RASGRF2: variants seen among roughly 807,000 people sequenced by gnomAD.
RASGRF2 encodes ras-specific guanine nucleotide-releasing factor 2.
A neutral mutation model predicts 151.0 loss-of-function variants in RASGRF2; 76 were observed. The observed-to-expected ratio is 0.50, with a 90% CI of 0.42 to 0.61. The LOEUF is 0.61. Ranked by LOEUF, RASGRF2 falls within the 20% of genes least tolerant of loss-of-function variation. The pLI is 0.00. For missense variants in RASGRF2, 1,148 were observed against 1,564.6 expected, an observed-to-expected ratio of 0.73 and a Z score of 4.49; for synonymous variants, 504 against 566.5, an observed-to-expected ratio of 0.89 and a Z score of 1.57.
chr5:81,187,109 C>T (rs1303510423), intron 18 of RASGRF2, among the ~76,000 whole-genome samples: 4 of 152,172 alleles, frequency 2.6e-5, no homozygotes, highest in Non-Finnish European at 5.9e-5. Flanking sequence ...TTCAAGCAGG[C>T]CAAATGCTGT....
rs149762217 is a variant in RASGRF2, at chr5:81,092,245, G to A, written c.1391-556G>A. On this transcript the variant is annotated intron_variant, in intron 9 of 26. Coordinates refer to ENST00000265080, the MANE Select transcript of RASGRF2 (RefSeq NM_006909.3). The stretch of plus-strand genomic sequence containing the variant: ...ATAATTTAAATGTAACTTGAAATAG[G>A]TGTCCTTTAAAAATAGTTCTTAGCT... Among the ~76,000 whole-genome samples, 85 of 151,944 alleles carry A rather than the reference G, an allele frequency of 5.6e-4. 2 individuals carry two copies. The East Asian group carries it at 0.015, about 27-fold the overall frequency.
At chr5:81,225,599 A>G (rs1755955356) in intron 26 of RASGRF2, 79 bp from the exon 27 acceptor site, 1 of 1,534,128 alleles carries the variant, frequency 6.5e-7, no homozygotes, top group Non-Finnish European at 8.7e-7. Flanking sequence ...AAAATGTTGA[A>G]TTGTGTTAGA....
At chr5:81,184,318 G>C (rs1754978683) in intron 18 of RASGRF2, among the ~76,000 whole-genome samples, 1 of 152,196 alleles carries the variant, frequency 6.6e-6, no homozygotes, top group African/African-American at 2.4e-5. Flanking sequence ...CAGACCTGTA[G>C]TGCTATTAAC....
intron 15 of RASGRF2, among the ~76,000 whole-genome samples, chr5:81,114,488 C>A (rs959576985): frequency 6.6e-6 from 1 of 152,144 alleles, no homozygotes. Flanking sequence ...TTGCTTGTGA[C>A]GTAGCCAAAA....
chr5:81,070,640 G>A lies in RASGRF2; in HGVS notation c.633+59G>A, dbSNP rs145302883. The A allele has an allele frequency of 5.4e-4, 785 of 1,463,886 alleles. 6 individuals carry two copies. In the African/African-American group the frequency reaches 0.01, roughly 19 times the overall value. The allele number at this position is 1,463,886 out of a possible 1,614,324, so 90.7% of individuals were successfully genotyped here. A position where few individuals can be genotyped will look rare whatever the true frequency, so the allele number is the denominator to read the frequency against. ...ATGGTGACCAGTCGTCTGTTCTATGGTGGTGTCTTTGCCACCCTGTGCGTG... is the reference window on the plus strand; with the variant it reads ...ATGGTGACCAGTCGTCTGTTCTATGATGGTGTCTTTGCCACCCTGTGCGTG... On this transcript the variant is annotated intron_variant, in intron 4 of 26. Transcript: ENST00000265080.
At position 81,180,185 on chromosome 5, in the gene RASGRF2, C is replaced by G. The variant is rs762236630; in HGVS notation, c.2697C>G (p.Asn899Lys). The G allele has an allele frequency of 1.9e-6, 3 of 1,604,042 alleles. No homozygotes were observed. The Admixed American group carries it at 5.0e-5, about 27-fold the overall frequency. ...AGHGSPPGFN[N>K]TERTCDKEFI... ...TCTTTTTCTCCTAAGGCTTTAACAACACCGAGAGAACATGTGATAAAGAGT... is the reference window on the plus strand; with the variant it reads ...TCTTTTTCTCCTAAGGCTTTAACAAGACCGAGAGAACATGTGATAAAGAGT... The change falls in exon 18 of 27, where the codon AAC (asparagine) becomes AAG (lysine). Residue 899 changes from asparagine (N) to lysine (K), a missense_variant. Around this residue, in one of 5 missense-constraint regions of RASGRF2, gnomAD observed 646 missense variants for 807.4 expected, o/e 0.80. Transcript: ENST00000265080.
intron 1 of RASGRF2, among the ~76,000 whole-genome samples, chr5:81,023,347 A>T (rs1749897049): frequency 6.6e-6 from 1 of 152,198 alleles, no homozygotes; most frequent in Non-Finnish European, 1.5e-5. Flanking sequence ...GTACTTGGTA[A>T]TGTCTGCTCC....
intron 18 of RASGRF2, among the ~76,000 whole-genome samples, chr5:81,185,615 C>A (rs1755009739): frequency 6.6e-6 from 1 of 152,138 alleles, no homozygotes; most frequent in South Asian, 2.1e-4. Context: ...GGCCACTGCC[C>A]ACCTGCCACA....
chr5:80,982,896 A>G (rs10063881), intron 1 of RASGRF2, among the ~76,000 whole-genome samples: 8,372 of 152,086 alleles, frequency 0.055, 325 homozygotes, highest in Non-Finnish European at 0.082. Context: ...CACCGCGCCC[A>G]GCCAGGAATT....
At chr5:80,965,802 A>T (rs1307280721) in intron 1 of RASGRF2, among the ~76,000 whole-genome samples, 1 of 152,182 alleles carries the variant, frequency 6.6e-6, no homozygotes, top group Non-Finnish European at 1.5e-5. Context: ...GTGGTTCATT[A>T]AAACAATTGC....
At chr5:81,036,556 A>G (rs1750501341) in intron 1 of RASGRF2, among the ~76,000 whole-genome samples, 1 of 152,058 alleles carries the variant, frequency 6.6e-6, no homozygotes, top group Non-Finnish European at 1.5e-5. Context: ...TTAGTTTTCT[A>G]TTTGTATGTC....
At chr5:81,031,009 G>C (rs1364925233) in intron 1 of RASGRF2, among the ~76,000 whole-genome samples, 1 of 152,164 alleles carries the variant, frequency 6.6e-6, no homozygotes, top group Admixed American at 6.5e-5. Flanking sequence ...CCTAGTCTCT[G>C]ATAAAACAGA....
chr5:81,196,502 A>G (rs867764326), intron 18 of RASGRF2, among the ~76,000 whole-genome samples: 2 of 152,320 alleles, frequency 1.3e-5, no homozygotes, highest in Middle Eastern at 3.4e-3. Flanking sequence ...AAGTCCTTCA[A>G]AGGTCCCTCT....
At chr5:81,039,846 A>G (rs925531120) in intron 1 of RASGRF2, among the ~76,000 whole-genome samples, 27 of 152,158 alleles carry the variant, frequency 1.8e-4, no homozygotes, top group African/African-American at 6.0e-4. Context: ...TTTGTTATGC[A>G]GAAGTGTTTT....
chr5:80,966,881 C>T (rs1162125966), intron 1 of RASGRF2, among the ~76,000 whole-genome samples: 1 of 151,990 alleles, frequency 6.6e-6, no homozygotes, highest in African/African-American at 2.4e-5. Context: ...AAAAAAATAA[C>T]AAGTTTGAGT....
intron 17 of RASGRF2, among the ~76,000 whole-genome samples, chr5:81,154,648 A>C (rs1253257548): frequency 6.6e-6 from 1 of 152,242 alleles, no homozygotes; most frequent in Non-Finnish European, 1.5e-5. Context: ...ATGTTTCGAG[A>C]ACACAGTTAG....
At position 81,226,579 on chromosome 5, in the gene RASGRF2, C is replaced by T. The variant is rs1173422517; in HGVS notation, c.*809C>T. On this transcript the variant is annotated 3_prime_UTR_variant, in exon 27 of 27. Transcript: ENST00000265080. Reference sequence around the variant, plus strand: ...GTGCACGCCCATCTCACCGACAAAACTGTGGAACAGAAGGCCACCAAGTGC... The same window carrying T: ...GTGCACGCCCATCTCACCGACAAAATTGTGGAACAGAAGGCCACCAAGTGC... 1 of 152,192 alleles carries T rather than the reference C, an allele frequency of 6.6e-6. No homozygotes were observed. Among genetic ancestry groups the T allele is most frequent in the East Asian group, 1.9e-4 (1 of 5,192 alleles). 9.4% of individuals were successfully genotyped at this position (152,192 alleles called of 1,614,324 possible).
intron 2 of RASGRF2, among the ~76,000 whole-genome samples, chr5:81,049,460 C>T (rs1750940472): frequency 6.6e-6 from 1 of 152,056 alleles, no homozygotes; most frequent in Non-Finnish European, 1.5e-5. Flanking sequence ...ATTTTCATTC[C>T]TTTTGTTTAC....
At chr5:81,070,031 A>T (rs1407872858) in intron 3 of RASGRF2, 2 of 157,764 alleles carry the variant, frequency 1.3e-5, no homozygotes, top group Non-Finnish European at 2.8e-5. Flanking sequence ...CCATTTTCCT[A>T]AGGATGTCTG....
Sources: allele counts gnomAD v4.1 joint callset (sites outside exome capture counted in the v4.1 genomes callset), GRCh38; gene constraint gnomAD v4.1.1; regional missense constraint gnomAD v4.1.1; transcripts MANE v1.5; gene names NCBI Gene and HGNC (gene_info 2026-07-23, HGNC 2026-07-21).